Variants in C1GALT1 observed in about 807,000 individuals in gnomAD.
C1GALT1 encodes glycoprotein-N-acetylgalactosamine 3-beta-galactosyltransferase 1.
Under a neutral mutation model 31.0 loss-of-function variants are expected in C1GALT1, and 11 were observed. The observed-to-expected ratio is 0.36, with a 90% CI of 0.22 to 0.59. The LOEUF (loss-of-function observed/expected upper bound fraction) is 0.59, where lower values mean the gene tolerates loss of function less well. C1GALT1 is among the 20% of genes least tolerant of loss of function. The pLI is 0.79. For missense variants in C1GALT1, 424 were observed against 425.2 expected (o/e 1.00, Z 0.03); for synonymous variants, 175 against 143.6 (o/e 1.22, Z -1.56).
chr7:7,237,769 C>T (rs1562597084), intron 2 of C1GALT1, among the ~76,000 whole-genome samples: 2 of 152,192 alleles, frequency 1.3e-5, no homozygotes, highest in Non-Finnish European at 2.9e-5. Flanking sequence ...GTCTTTCCTG[C>T]TCTTCAGAAA....
rs368585311 is a variant in C1GALT1, at chr7:7,190,243, T to G, written c.-18+7423T>G. Among the ~76,000 whole-genome samples, 12 of 152,244 alleles carry G rather than the reference T, an allele frequency of 7.9e-5. No homozygotes were observed. The East Asian group carries it at 1.2e-3, about 15-fold the overall frequency. On this transcript the variant is annotated intron_variant, in intron 1 of 3. Coordinates refer to ENST00000436587, the MANE Select transcript of C1GALT1 (RefSeq NM_020156.5). Reference sequence around the variant, plus strand: ...TGATAAGCTTAAAGCACGGCAAGACTGTGTGTCAAGGGTTAATAAACATCA... The same window carrying G: ...TGATAAGCTTAAAGCACGGCAAGACGGTGTGTCAAGGGTTAATAAACATCA...
intron 3 of C1GALT1, among the ~76,000 whole-genome samples, chr7:7,239,894 A>G (rs1297571071): frequency 1.3e-5 from 2 of 152,170 alleles, no homozygotes; most frequent in African/African-American, 4.8e-5. Context: ...TGTTAATTAC[A>G]TGTCTGCTGT....
intron 2 of C1GALT1, among the ~76,000 whole-genome samples, chr7:7,165,475 C>T (rs1446227652): frequency 6.6e-6 from 1 of 152,014 alleles, no homozygotes; most frequent in African/African-American, 2.4e-5. Context: ...AGAGAAAAGA[C>T]AAACATCATA....
intron 2 of C1GALT1, among the ~76,000 whole-genome samples, chr7:7,170,776 C>A (rs964724467): frequency 1.3e-5 from 2 of 152,088 alleles, no homozygotes; most frequent in Non-Finnish European, 2.9e-5. Context: ...AGCAGGAGTC[C>A]GTCTCCAAAC....
At chr7:7,205,474 G>T (rs924472763) in intron 1 of C1GALT1, among the ~76,000 whole-genome samples, 7 of 152,122 alleles carry the variant, frequency 4.6e-5, no homozygotes, top group African/African-American at 2.4e-5. Context: ...AATCATGAAT[G>T]CCTTCATTCT....
intron 2 of C1GALT1, among the ~76,000 whole-genome samples, chr7:7,159,839 G>A (rs137980438): frequency 1.3e-5 from 2 of 152,090 alleles, no homozygotes; most frequent in African/African-American, 2.4e-5. Context: ...GTTACACAGA[G>A]TATCACTACA....
At chr7:7,179,418 A>T (rs1267373361), upstream of C1GALT1, among the ~76,000 whole-genome samples, 1 of 152,246 alleles carries the variant, frequency 6.6e-6, no homozygotes, top group Non-Finnish European at 1.5e-5. Context: ...TAACTTAATT[A>T]TTATAAACTG....
At chr7:7,219,443 A>G (rs1251804531) in intron 1 of C1GALT1, among the ~76,000 whole-genome samples, 1 of 152,216 alleles carries the variant, frequency 6.6e-6, no homozygotes, top group Non-Finnish European at 1.5e-5. Flanking sequence ...ATGTTGGGGC[A>G]GAGAGTATTG....
chr7:7,219,009 A>T (rs187999133), intron 1 of C1GALT1, among the ~76,000 whole-genome samples: 321 of 149,810 alleles, frequency 2.1e-3, no homozygotes, highest in African/African-American at 7.4e-3. Context: ...AATTTTTTGT[A>T]TTTTTTTTTA....
At chr7:7,225,842 A>T (rs1355663056) in intron 1 of C1GALT1, among the ~76,000 whole-genome samples, 1 of 152,216 alleles carries the variant, frequency 6.6e-6, no homozygotes, top group African/African-American at 2.4e-5. Context: ...CCTACTGATG[A>T]CATAACCTTT....
chr7:7,239,588 A>C (rs1783529848), intron 3 of C1GALT1, among the ~76,000 whole-genome samples: 2 of 152,192 alleles, frequency 1.3e-5, no homozygotes, highest in Admixed American at 1.3e-4. Context: ...TACCTGTCTT[A>C]TTTAGTTGTT....
At chr7:7,166,481 G>T (rs1017526478) in intron 2 of C1GALT1, among the ~76,000 whole-genome samples, 1 of 152,116 alleles carries the variant, frequency 6.6e-6, no homozygotes, top group African/African-American at 2.4e-5. Flanking sequence ...AAGCAGATCA[G>T]TGGTTGCTTG....
intron 1 of C1GALT1, among the ~76,000 whole-genome samples, chr7:7,205,171 C>T (rs933700443): frequency 2.4e-4 from 37 of 151,854 alleles, no homozygotes; most frequent in African/African-American, 8.0e-4. Flanking sequence ...ACCTTTGGTT[C>T]GTTCATCTCA....
At chr7:7,179,382 G>A (rs1358395265), upstream of C1GALT1, among the ~76,000 whole-genome samples, 1 of 152,038 alleles carries the variant, frequency 6.6e-6, no homozygotes, top group Non-Finnish European at 1.5e-5. Flanking sequence ...TACCATATGA[G>A]TTAATAAAAT....
chr7:7,181,251 G>T (rs1780579478), upstream of C1GALT1, among the ~76,000 whole-genome samples: 1 of 152,104 alleles, frequency 6.6e-6, no homozygotes, highest in Admixed American at 6.5e-5. Context: ...AAAGGTGGAA[G>T]GATATTGCGG....
intron 2 of C1GALT1, among the ~76,000 whole-genome samples, chr7:7,168,600 C>T (rs1428740337): frequency 6.6e-6 from 1 of 152,110 alleles, no homozygotes; most frequent in African/African-American, 2.4e-5. Context: ...TTACCATTTT[C>T]GTGGTTACAA....
In C1GALT1 at chr7:7,197,371, C is replaced by T. The variant is rs1015033038; in HGVS notation, c.-18+14551C>T. Reference sequence around the variant, plus strand: ...GGTTGTACATGTGTGGTTTTATTACCGAGGGCTATATTCTGTTCCATTGGT... The same window carrying T: ...GGTTGTACATGTGTGGTTTTATTACTGAGGGCTATATTCTGTTCCATTGGT... On this transcript the variant is annotated intron_variant, in intron 1 of 3. Transcript: ENST00000436587. Among the ~76,000 whole-genome samples the T allele has an allele frequency of 1.1e-4, 17 of 151,886 alleles. 1 individual carries two copies. The highest frequency in any genetic ancestry group is 3.4e-3 in the Middle Eastern group (1 of 294).
intron 2 of C1GALT1, among the ~76,000 whole-genome samples, chr7:7,173,566 T>C (rs557301112): frequency 6.6e-6 from 1 of 152,336 alleles, no homozygotes; most frequent in African/African-American, 2.4e-5. Context: ...AGTTTATTTA[T>C]CCATTTACCT....
chr7:7,192,349 T>C (rs1470224818), intron 1 of C1GALT1, among the ~76,000 whole-genome samples: 1 of 152,112 alleles, frequency 6.6e-6, no homozygotes, highest in East Asian at 1.9e-4. Flanking sequence ...TGCCTTTGCA[T>C]CCTCATAGCT....
Sources: allele counts gnomAD v4.1 joint callset (sites outside exome capture counted in the v4.1 genomes callset), GRCh38; gene constraint gnomAD v4.1.1; transcripts MANE v1.5; gene names NCBI Gene and HGNC (gene_info 2026-07-23, HGNC 2026-07-21).